PDE8B: variants seen among roughly 807,000 people sequenced by gnomAD.
PDE8B encodes phosphodiesterase 8B, also known as high affinity cAMP-specific and IBMX-insensitive 3',5'-cyclic phosphodiesterase 8B.
Under a neutral mutation model 101.3 loss-of-function variants are expected in PDE8B, and 26 were observed. The ratio of observed to expected loss-of-function variants is 0.26; its 90% CI spans 0.19 to 0.36. PDE8B has a LOEUF of 0.36. Ranked by LOEUF, PDE8B falls within the 10% of genes least tolerant of loss-of-function variation. PDE8B has a pLI of 1.00. For missense variants in PDE8B, 810 were observed against 1,163.1 expected, an observed-to-expected ratio of 0.70 and a Z score of 4.42; for synonymous variants, 424 against 429.3, an observed-to-expected ratio of 0.99 and a Z score of 0.15.
At chr5:77,172,565 CA>C in the PDE8B span, among the ~76,000 whole-genome samples, 1 of 152,174 alleles carries the variant, frequency 6.6e-6, no homozygotes, top group South Asian at 2.1e-4. Context: ...CTTAAAAGAG[CA>C]ACATTAGAAC....
At position 77,212,406 on chromosome 5, in the gene PDE8B, T is replaced by C. The variant is rs564095749; in HGVS notation, c.339+1142T>C. Reference sequence around the variant, plus strand: ...GAGGAGTGAGGAGAAGGATAACATGTTTTGGCTTCAATCTGGAAGTCCAAA... The same window carrying C: ...GAGGAGTGAGGAGAAGGATAACATGCTTTGGCTTCAATCTGGAAGTCCAAA... On this transcript the variant is annotated intron_variant, in intron 1 of 21. Transcript: ENST00000264917. 3.9e-5 allele frequency among the ~76,000 whole-genome samples: 6 copies of C among 152,266 alleles called. No homozygotes were observed. In the East Asian group the frequency reaches 1.2e-3, roughly 29 times the overall value.
At position 77,273,463 on chromosome 5, in the gene PDE8B, C is replaced by G. The variant is rs1478387999; in HGVS notation, c.340-38531C>G. The stretch of plus-strand genomic sequence containing the variant: ...TGCTTTTGAGAGATGCAGTTATGAA[C>G]TAGCAATCGCCCTTGTCCTTCAGGA... On this transcript the variant is annotated intron_variant, in intron 1 of 21. Transcript: ENST00000264917. Among the ~76,000 whole-genome samples, 6 of 152,334 alleles carry G rather than the reference C, an allele frequency of 3.9e-5. No individual in the cohort carries two copies. In the East Asian group the frequency reaches 1.2e-3, roughly 29 times the overall value.
the PDE8B span, chr5:77,134,524 C>CT: frequency 6.6e-6 from 1 of 152,204 alleles, no homozygotes; most frequent in Non-Finnish European, 1.5e-5. Context: ...ATTTTGGACT[C>CT]TTTCTATGAA....
At chr5:77,310,675 T>G (rs1050583252) in intron 1 of PDE8B, among the ~76,000 whole-genome samples, 4 of 152,154 alleles carry the variant, frequency 2.6e-5, no homozygotes, top group African/African-American at 9.7e-5. Context: ...ACAGGCATCC[T>G]TGCCCTCCTG....
the PDE8B span, among the ~76,000 whole-genome samples, chr5:77,157,215 T>C: frequency 3.9e-4 from 59 of 152,298 alleles, no homozygotes. Flanking sequence ...TATTTAAATA[T>C]AGTGGGTGGC....
chr5:77,415,276 CAA>C (rs796417177), intron 17 of PDE8B, among the ~76,000 whole-genome samples: 1 of 151,114 alleles, frequency 6.6e-6, no homozygotes, highest in Non-Finnish European at 1.5e-5. Context: ...CTGGCACTGA[CAA>C]AGAGGGTCAG....
intron 10 of PDE8B, among the ~76,000 whole-genome samples, chr5:77,393,374 G>A (rs1159103944): frequency 5.5e-5 from 8 of 146,116 alleles, no homozygotes; most frequent in Admixed American, 1.4e-4. Flanking sequence ...CAGCCTGGAC[G>A]ACAGAGTGAG....
chr5:77,204,384 C>G, the PDE8B span, among the ~76,000 whole-genome samples: 2 of 147,516 alleles, frequency 1.4e-5, no homozygotes, highest in Non-Finnish European at 3.0e-5. Context: ...GTACTCAAGC[C>G]TGGGTGACAG....
the PDE8B span, among the ~76,000 whole-genome samples, chr5:77,198,627 A>G: frequency 2.6e-5 from 4 of 152,164 alleles, no homozygotes; most frequent in Non-Finnish European, 5.9e-5. Context: ...CCCTTCTCTT[A>G]TGAATTATAG....
the PDE8B span, chr5:77,180,430 C>G: frequency 1.1e-5 from 11 of 985,240 alleles, no homozygotes; most frequent in African/African-American, 1.7e-5. Flanking sequence ...CCAGGGCGCC[C>G]AGGAGCCGCC....
At chr5:77,175,362 C>T in the PDE8B span, among the ~76,000 whole-genome samples, 81 of 152,340 alleles carry the variant, frequency 5.3e-4, no homozygotes, top group Non-Finnish European at 8.1e-4. Context: ...GGACTGTTGT[C>T]ACTTCCTTGA....
At chr5:77,097,633 A>G in the PDE8B span, among the ~76,000 whole-genome samples, 1 of 122,360 alleles carries the variant, frequency 8.2e-6, no homozygotes, top group Non-Finnish European at 1.8e-5. Context: ...CTTTAGCTGA[A>G]ACTTTAATAG....
chr5:77,238,801 A>C (rs191668743), intron 1 of PDE8B, among the ~76,000 whole-genome samples: 27 of 152,340 alleles, frequency 1.8e-4, no homozygotes, highest in Admixed American at 1.7e-3. Context: ...AGGCCAGAGA[A>C]CCAGGAGCAC....
the PDE8B span, chr5:77,140,471 C>G: frequency 6.6e-6 from 1 of 152,212 alleles, no homozygotes; most frequent in Non-Finnish European, 1.5e-5. Flanking sequence ...GCAGAGGCTA[C>G]AGTGACATTA....
intron 20 of PDE8B, among the ~76,000 whole-genome samples, chr5:77,424,995 CTTTT>C (rs770558730): frequency 5.9e-5 from 9 of 152,050 alleles, no homozygotes; most frequent in African/African-American, 1.2e-4. Context: ...TGGCCTGAAA[CTTTT>C]TTTAAGTGCA....
chr5:77,093,663 G>A, the PDE8B span, among the ~76,000 whole-genome samples: 40 of 152,202 alleles, frequency 2.6e-4, no homozygotes, highest in Non-Finnish European at 5.3e-4. Flanking sequence ...GCTCAAACAA[G>A]ATGAATCCCT....
At chr5:77,393,368 C>G (rs1790349235) in intron 10 of PDE8B, among the ~76,000 whole-genome samples, 1 of 150,302 alleles carries the variant, frequency 6.7e-6, no homozygotes, top group South Asian at 2.1e-4. Context: ...GCTCTCCAGC[C>G]TGGACGACAG....
At chr5:77,301,647 A>G (rs901054711) in intron 1 of PDE8B, among the ~76,000 whole-genome samples, 1 of 152,220 alleles carries the variant, frequency 6.6e-6, no homozygotes, top group African/African-American at 2.4e-5. Flanking sequence ...TATCTCTAAT[A>G]AAAGGAAGGA....
chr5:77,339,520 C>A (rs1483718051), intron 6 of PDE8B, among the ~76,000 whole-genome samples: 1 of 152,088 alleles, frequency 6.6e-6, no homozygotes, highest in Admixed American at 6.6e-5. Context: ...CAGATAGGGG[C>A]AGTGACTCAT....
Sources: gnomAD v4.1 joint callset for allele counts (sites outside exome capture counted in the v4.1 genomes callset) on GRCh38, gnomAD v4.1.1 for gene constraint, MANE v1.5 for transcripts, NCBI Gene and HGNC (gene_info 2026-07-23, HGNC 2026-07-21) for gene names.